WDR27: variants seen among roughly 807,000 people sequenced by gnomAD.
The protein encoded by WDR27 is WD repeat domain 27.
In WDR27, 100 loss-of-function variants were observed where a neutral mutation model predicts 114.4. That is an observed-to-expected ratio of 0.87 (90% CI 0.74 to 1.03). The LOEUF (loss-of-function observed/expected upper bound fraction) is 1.03, where lower values mean the gene tolerates loss of function less well. WDR27 is among the 50% of genes least tolerant of loss of function. The probability of loss-of-function intolerance (pLI) is 0.00; values close to 1 mark genes in which losing one functional copy is unlikely to be tolerated. For missense variants in WDR27, 1,129 were observed against 1,092.9 expected (o/e 1.03, Z -0.47); for synonymous variants, 449 against 423.1 (o/e 1.06, Z -0.75).
intron 25 of WDR27, among the ~76,000 whole-genome samples, chr6:169,517,532 C>T (rs1297342382): frequency 6.6e-6 from 1 of 152,120 alleles, no homozygotes; most frequent in Non-Finnish European, 1.5e-5. Context: ...GAAGTTACAA[C>T]AAAAATACAT....
chr6:169,622,883 G>C (rs1584667664), intron 21 of WDR27, among the ~76,000 whole-genome samples: 1 of 152,286 alleles, frequency 6.6e-6, no homozygotes, highest in East Asian at 1.9e-4. Context: ...ACTTGGGGAG[G>C]AACTTATAGT....
chr6:169,563,461 A>T (rs1378133454), intron 25 of WDR27, among the ~76,000 whole-genome samples: 1 of 152,216 alleles, frequency 6.6e-6, no homozygotes, highest in East Asian at 1.9e-4. Flanking sequence ...CATGTGCCTG[A>T]ACTAACATCC....
intron 21 of WDR27, among the ~76,000 whole-genome samples, chr6:169,630,618 G>A (rs1219567122): frequency 3.9e-5 from 6 of 152,180 alleles, no homozygotes; most frequent in Admixed American, 6.5e-5. Flanking sequence ...CAGGTTGGTC[G>A]GGCGCAGTGG....
chr6:169,499,120 C>T (rs964715476), intron 25 of WDR27, among the ~76,000 whole-genome samples: 20 of 152,218 alleles, frequency 1.3e-4, no homozygotes, highest in Admixed American at 4.6e-4. Flanking sequence ...GAAACAGACG[C>T]TGTATTTACA....
chr6:169,562,482 T>A (rs891207877), intron 25 of WDR27, among the ~76,000 whole-genome samples: 4 of 152,100 alleles, frequency 2.6e-5, no homozygotes, highest in African/African-American at 9.7e-5. Flanking sequence ...ATTTGGGGGA[T>A]CCCCTAAGGC....
rs539875176 is a variant in WDR27, at chr6:169,575,506, T to A, written c.2524-2966A>T. 2.0e-4 allele frequency among the ~76,000 whole-genome samples: 31 copies of A among 152,234 alleles called. No homozygotes were observed. The South Asian group carries it at 4.8e-3, about 23-fold the overall frequency. ...TTTTATCCTCCTACTGGGAGGTTGG[T>A]CTTATCGCTCCCAACACTGATCCTG... is the stretch of plus-strand genomic sequence containing the variant. On this transcript the variant is annotated intron_variant, in intron 24 of 25. Coordinates refer to ENST00000448612, the MANE Select transcript of WDR27 (RefSeq NM_182552.5).
downstream of WDR27, among the ~76,000 whole-genome samples, chr6:169,456,332 C>T (rs1463875833): frequency 6.6e-6 from 1 of 152,162 alleles, no homozygotes; most frequent in African/African-American, 2.4e-5. This position sits in a 1 kb window ranked among gnomAD's most constrained non-coding sequence, Gnocchi z 4.0. Flanking sequence ...GGTGAGGTCA[C>T]AGCACACTGC....
chr6:169,586,459 G>C (rs1040720670), intron 23 of WDR27, among the ~76,000 whole-genome samples: 9 of 151,998 alleles, frequency 5.9e-5, no homozygotes, highest in African/African-American at 2.2e-4. Context: ...CTGATCTAGA[G>C]GCTGGATGAC....
intron 25 of WDR27, among the ~76,000 whole-genome samples, chr6:169,519,948 G>T (rs1386911371): frequency 6.6e-6 from 1 of 152,068 alleles, no homozygotes; most frequent in South Asian, 2.1e-4. Flanking sequence ...AAAAAAGTGA[G>T]ATTGAGGTGG....
In WDR27 at chr6:169,665,566, G is replaced by C. The variant is rs1266738936; in HGVS notation, c.713-10C>G. ...CTGAGAAGAGGATATGCTGGTGAAA[G>C]GAACATCGGAAAATTTAGCTTTGTA... On this transcript the variant is annotated splice_polypyrimidine_tract_variant and intron_variant, in intron 6 of 25. Coordinates refer to ENST00000448612, the MANE Select transcript of WDR27 (RefSeq NM_182552.5). The C allele has an allele frequency of 2.5e-6, 4 of 1,609,912 alleles. No individual in the cohort carries two copies. Among genetic ancestry groups the C allele is most frequent in the African/African-American group, 2.7e-5 (2 of 74,750 alleles).
chr6:169,524,428 T>A (rs568767581), intron 25 of WDR27, among the ~76,000 whole-genome samples: 69 of 151,992 alleles, frequency 4.5e-4, no homozygotes, highest in South Asian at 2.5e-3. Flanking sequence ...TAAGAAAAAA[T>A]TTTCTAATAT....
At chr6:169,507,060 T>C (rs1161892735) in intron 25 of WDR27, among the ~76,000 whole-genome samples, 1 of 152,258 alleles carries the variant, frequency 6.6e-6, no homozygotes, top group Non-Finnish European at 1.5e-5. Flanking sequence ...TTACTTTCAA[T>C]TGTGTAATGT....
intron 22 of WDR27, among the ~76,000 whole-genome samples, chr6:169,609,396 C>T (rs889056130): frequency 6.6e-6 from 1 of 152,222 alleles, no homozygotes; most frequent in African/African-American, 2.4e-5. Flanking sequence ...TGCTTCCATA[C>T]ATCTCCTGAA....
chr6:169,654,752 G>A (rs1293884723), intron 13 of WDR27, among the ~76,000 whole-genome samples: 2 of 121,160 alleles, frequency 1.7e-5, no homozygotes, highest in African/African-American at 6.6e-5. Flanking sequence ...CGCGCACAGG[G>A]TTAGGCGGCG....
intron 22 of WDR27, among the ~76,000 whole-genome samples, chr6:169,610,527 A>G (rs1166586095): frequency 6.6e-6 from 1 of 152,136 alleles, no homozygotes; most frequent in East Asian, 1.9e-4. Flanking sequence ...CTACCACAAG[A>G]ACAGTATGGG....
In WDR27 at chr6:169,458,240, T is replaced by C. The variant is rs554992155; in HGVS notation, c.2646-606A>G. 2.6e-5 allele frequency among the ~76,000 whole-genome samples: 4 copies of C among 152,276 alleles called. No individual in the cohort carries two copies. The South Asian group carries it at 8.3e-4, about 32-fold the overall frequency. On this transcript the variant is annotated intron_variant, in intron 25 of 25. Transcript: ENST00000448612. ...GCACACCTTTCAAAAGTGGTCTCCA[T>C]AGGGCCTGCAGAACCCAGGATGGGC...
At chr6:169,603,062 G>A (rs1456365158) in intron 22 of WDR27, among the ~76,000 whole-genome samples, 4 of 151,632 alleles carry the variant, frequency 2.6e-5, no homozygotes, top group Non-Finnish European at 4.4e-5. Context: ...AGCTGGTCTC[G>A]AACTCCTGAC....
chr6:169,482,534 CA>C (rs1011033918), intron 25 of WDR27, among the ~76,000 whole-genome samples: 63 of 152,278 alleles, frequency 4.1e-4, no homozygotes, highest in African/African-American at 1.5e-3. Context: ...GAGCACAAAG[CA>C]AGTTCTTAGA....
At chr6:169,587,258 G>A (rs1332171549) in intron 23 of WDR27, among the ~76,000 whole-genome samples, 5 of 23,978 alleles carry the variant, frequency 2.1e-4, no homozygotes, top group Middle Eastern at 0.021. Context: ...TTGCTCTGTC[G>A]CCCAGGCTGG....
Sources: gnomAD v4.1 joint callset for allele counts (sites outside exome capture counted in the v4.1 genomes callset) on GRCh38, gnomAD v4.1.1 for gene constraint, Gnocchi (gnomAD v3.1) non-coding constraint, MANE v1.5 for transcripts, NCBI Gene and HGNC (gene_info 2026-07-23, HGNC 2026-07-21) for gene names.